The following CCDC50 variants were observed in gnomAD, a reference collection of about 807,000 sequenced individuals.
CCDC50 encodes the protein coiled-coil domain-containing protein 50.
In CCDC50, 54 loss-of-function variants were observed where a neutral mutation model predicts 70.2. The ratio of observed to expected loss-of-function variants is 0.77; its 90% CI spans 0.62 to 0.96. The LOEUF is 0.96. CCDC50 is among the 50% of genes least tolerant of loss of function. The probability of loss-of-function intolerance (pLI) is 0.00; values close to 1 mark genes in which losing one functional copy is unlikely to be tolerated. For synonymous variants in CCDC50, 216 were observed against 198.8 expected (o/e 1.09, Z -0.73); for missense variants, 558 against 578.7 (o/e 0.96, Z 0.37).
At chr3:191,344,754 A>G (rs1404502409) in intron 1 of CCDC50, among the ~76,000 whole-genome samples, 1 of 151,942 alleles carries the variant, frequency 6.6e-6, no homozygotes, top group East Asian at 1.9e-4. Flanking sequence ...AATTTTTTGT[A>G]TTTTTGTGGA....
rs560356859 is a variant in CCDC50, at chr3:191,352,989, A to G, written c.50-4099A>G. Among the ~76,000 whole-genome samples, 36 of 140,186 alleles carry G rather than the reference A, an allele frequency of 2.6e-4. 7 individuals carry two copies. The South Asian group carries it at 7.9e-3, about 31-fold the overall frequency. 92.0% of individuals were successfully genotyped at this position (140,186 alleles called of 152,430 possible). ...ATTTTTTTTTTTTTAACTTCTTTCA[A>G]TTAACGAGCACACATTGTGTGGAAG... On this transcript the variant is annotated intron_variant, in intron 1 of 11. Transcript: ENST00000392455.
Position 191,378,852 on chromosome 3 carries a change from AG to A in CCDC50, c.977-1305del, listed in dbSNP as rs201846889. Among the ~76,000 whole-genome samples the A allele has an allele frequency of 3.6e-3, 552 of 152,026 alleles. 10 individuals carry two copies. The highest frequency in any genetic ancestry group is 0.027 in the Admixed American group (415 of 15,220). ...TTGATTTGAAGTGATCTGTGCAATCAGGTTCTATTAGGTCTGAAGCTAAGAA... is the reference window on the plus strand; with the variant it reads ...TTGATTTGAAGTGATCTGTGCAATCAGTTCTATTAGGTCTGAAGCTAAGAA... On this transcript the variant is annotated intron_variant, in intron 6 of 11. Coordinates refer to ENST00000392455, the MANE Select transcript of CCDC50 (RefSeq NM_178335.3).
In CCDC50 at chr3:191,351,259, TAATCTA is replaced by T. The variant is rs1282530965; in HGVS notation, c.50-5828_50-5823del. 2.1e-5 allele frequency among the ~76,000 whole-genome samples: 3 copies of T among 142,358 alleles called. 1 individual carries two copies. The highest frequency in any genetic ancestry group is 7.5e-5 in the African/African-American group (3 of 39,896). 93.4% of individuals were successfully genotyped at this position (142,358 alleles called of 152,430 possible). A position where few individuals can be genotyped will look rare whatever the true frequency, so the allele number is the denominator to read the frequency against. On this transcript the variant is annotated intron_variant, in intron 1 of 11. Coordinates refer to ENST00000392455, the MANE Select transcript of CCDC50 (RefSeq NM_178335.3). ...TTGTTGGTGAAAGCTGAGGAGATCTTAATCTAGTACTGTTAATGACTAAGAAAAGAA... is the reference window on the plus strand; with the variant it reads ...TTGTTGGTGAAAGCTGAGGAGATCTTGTACTGTTAATGACTAAGAAAAGAA...
At position 191,398,066 on chromosome 3, in the gene CCDC50, C is replaced by G. The variant is rs1713920039; in HGVS notation, c.*6306C>G. On this transcript the variant is annotated 3_prime_UTR_variant, in exon 12 of 12. Coordinates refer to ENST00000392455, the MANE Select transcript of CCDC50 (RefSeq NM_178335.3). ...TCTTTCAGTTCACCTCCGTACAGCA[C>G]AAGTTGTTCCTGCTCATGACCTCAT... 2.0e-5 allele frequency: 3 copies of G among 152,226 alleles called. No individual in the cohort carries two copies. The South Asian group carries it at 6.2e-4, about 32-fold the overall frequency. The allele number at this position is 152,226 out of a possible 1,614,324, so 9.4% of individuals were successfully genotyped here.
At chr3:191,347,765 G>A (rs978724466) in intron 1 of CCDC50, among the ~76,000 whole-genome samples, 1 of 142,150 alleles carries the variant, frequency 7.0e-6, no homozygotes, top group Non-Finnish European at 1.6e-5. Flanking sequence ...GTTGTTTGAG[G>A]TAGTATTGAT....
At chr3:191,383,874 T>C (rs1003192328) in intron 10 of CCDC50, among the ~76,000 whole-genome samples, 1 of 152,166 alleles carries the variant, frequency 6.6e-6, no homozygotes, top group African/African-American at 2.4e-5. Flanking sequence ...GTTAGTACAT[T>C]CCCAAAGTAT....
chr3:191,375,729 T>A, intron 6 of CCDC50, 140 bp downstream of exon 6: 1 of 900,764 alleles, frequency 1.1e-6, no homozygotes, highest in Non-Finnish European at 1.7e-6. Context: ...GAGCAACATA[T>A]TATAAAAGGT....
rs1425953369 is a variant in CCDC50 at position 191,373,951 on chromosome 3, C to T, written c.449-1111C>T. ...TCAAATGAAACAGTTTAAAGGAAAA[C>T]GTATAGTTTTTTATTTTCTTTACAT... On this transcript the variant is annotated intron_variant, in intron 5 of 11. Transcript: ENST00000392455. 7.2e-5 allele frequency among the ~76,000 whole-genome samples: 11 copies of T among 152,048 alleles called. No individual in the cohort carries two copies. The East Asian group carries it at 1.5e-3, about 21-fold the overall frequency.
chr3:191,368,333 G>A (rs993422290), intron 4 of CCDC50, among the ~76,000 whole-genome samples: 4 of 151,906 alleles, frequency 2.6e-5, no homozygotes, highest in Non-Finnish European at 4.4e-5. Flanking sequence ...TTTTGTGAGT[G>A]CTCACTTAAG....
In CCDC50 at chr3:191,398,336, C is replaced by A. The variant is rs1713928430; in HGVS notation, c.*6576C>A. ...TGAATAATTTTTAAACCAAAGTATT[C>A]TATAAGTCTGTGTGCTTTGTTTTCC... is the stretch of plus-strand genomic sequence containing the variant. On this transcript the variant is annotated 3_prime_UTR_variant, in exon 12 of 12. Transcript: ENST00000392455. 6.6e-6 allele frequency: 1 copy of A among 152,168 alleles called. No individual in the cohort carries two copies. Among genetic ancestry groups the A allele is most frequent in the East Asian group, 1.9e-4 (1 of 5,192 alleles). The allele number at this position is 152,168 out of a possible 1,614,324, so 9.4% of individuals were successfully genotyped here.
At chr3:191,329,942 T>TGGGGGGGGGGGGGGGGGG (rs34226642) in intron 1 of CCDC50, among the ~76,000 whole-genome samples, 1 of 102,890 alleles carries the variant, frequency 9.7e-6, no homozygotes. Flanking sequence ...AGGGGGTGGT[T>TGGGGGGGGGGGGGGGGGG]GGGGGGGGGG....
chr3:191,369,975 A>T lies in CCDC50; in HGVS notation c.387A>T (p.Lys129Asn). 2 of 1,613,630 alleles carry T rather than the reference A, an allele frequency of 1.2e-6. No individual in the cohort carries two copies. Among genetic ancestry groups the T allele is most frequent in the Non-Finnish European group, 1.7e-6 (2 of 1,179,674 alleles). Residue 129 changes from lysine to asparagine, a missense_variant, in exon 5 of 12, where the codon AAA becomes AAT. Lys to Asn is a moderately conservative substitution (Grantham distance 94). Coordinates refer to ENST00000392455, the MANE Select transcript of CCDC50 (RefSeq NM_178335.3). ...TACAGGAAGAGAAAAAGAGAAAGAAACACTTTCCAGAGTTCCCTGCAACCC... is the reference window on the plus strand; with the variant it reads ...TACAGGAAGAGAAAAAGAGAAAGAATCACTTTCCAGAGTTCCCTGCAACCC... Reference protein sequence around the residue: ...KELQEEKKRKKHFPEFPATRA... With the variant: ...KELQEEKKRKNHFPEFPATRA...
At chr3:191,336,838 T>C (rs1488692981) in intron 1 of CCDC50, among the ~76,000 whole-genome samples, 1 of 152,224 alleles carries the variant, frequency 6.6e-6, no homozygotes, top group African/African-American at 2.4e-5. Context: ...AGCTCATTTA[T>C]CTGATAAAGA....
rs748413992 is a variant in CCDC50 at position 191,353,814 on chromosome 3, A to T, written c.50-3274A>T. Reference sequence around the variant, plus strand: ...GCAAAGTCAGTGTATTTGACAATACAACTCTCTGTGTGTATGTGTTCATGT... The same window carrying T: ...GCAAAGTCAGTGTATTTGACAATACTACTCTCTGTGTGTATGTGTTCATGT... On this transcript the variant is annotated intron_variant, in intron 1 of 11. Coordinates refer to ENST00000392455, the MANE Select transcript of CCDC50 (RefSeq NM_178335.3). Among the ~76,000 whole-genome samples, 23 of 99,478 alleles carry T rather than the reference A, an allele frequency of 2.3e-4. 5 individuals are homozygous for T. The highest frequency in any genetic ancestry group is 4.8e-4 in the Non-Finnish European group (19 of 39,644). 65.3% of individuals were successfully genotyped at this position (99,478 alleles called of 152,430 possible).
rs1022556573 is a variant in CCDC50 at position 191,379,332 on chromosome 3, G to T, written c.977-827G>T. On this transcript the variant is annotated intron_variant, in intron 6 of 11. Transcript: ENST00000392455. ...AACCCCTGGCATAAAGAGACAATCA[G>T]GAGTACATTTTCTTTCTCCTCTGAA... Among the ~76,000 whole-genome samples the T allele has an allele frequency of 1.3e-5, 2 of 152,034 alleles. 1 individual carries two copies. The highest frequency in any genetic ancestry group is 1.3e-4 in the Admixed American group (2 of 15,240).
At chr3:191,350,601 T>A (rs2364379) in intron 1 of CCDC50, among the ~76,000 whole-genome samples, 15,700 of 141,034 alleles carry the variant, frequency 0.11, 2,826 homozygotes, top group East Asian at 0.25. Flanking sequence ...TTTTAGTTTA[T>A]GTAGAATTAG....
intron 1 of CCDC50, among the ~76,000 whole-genome samples, chr3:191,329,954 G>GT (rs1457908639): frequency 1.4e-5 from 2 of 138,236 alleles, no homozygotes; most frequent in Admixed American, 7.4e-5. Context: ...GGGGGGGGGG[G>GT]GGCTAGCAGC....
chr3:191,360,572 A>G (rs1412290196), intron 3 of CCDC50, among the ~76,000 whole-genome samples: 3 of 152,206 alleles, frequency 2.0e-5, no homozygotes, highest in Non-Finnish European at 4.4e-5. Flanking sequence ...GAAGAAATAT[A>G]AATAGCAATT....
In CCDC50 at chr3:191,391,749, T is replaced by G. The variant is rs764246603; in HGVS notation, c.1438T>G (p.Tyr480Asp). 5.6e-6 allele frequency: 9 copies of G among 1,612,984 alleles called. No homozygotes were observed. The South Asian group carries it at 9.9e-5, about 18-fold the overall frequency. Reference protein sequence around the residue: ...KSESSHKGFHYKH With the variant: ...KSESSHKGFHDKH ...TTTCTTCCCCTCCCCAGGTTTTCAT[T>G]ACAAACATTAAAAACCTAGGAATCT... The change falls in exon 12 of 12, where the codon TAC (tyrosine) becomes GAC (aspartate). Residue 480 changes from tyrosine (Y) to aspartate (D), a missense_variant. By Grantham distance (160) the Tyr-to-Asp change is radical (BLOSUM62 -3). Transcript: ENST00000392455.
Sources: gnomAD v4.1 joint callset for allele counts (sites outside exome capture counted in the v4.1 genomes callset) on GRCh38, gnomAD v4.1.1 for gene constraint, MANE v1.5 for transcripts, NCBI Gene and HGNC (gene_info 2026-07-23, HGNC 2026-07-21) for gene names.